Variants in HDX observed in about 807,000 individuals in gnomAD.
HDX encodes the protein highly divergent homeobox, also known as chromosome X open reading frame 43.
A neutral mutation model predicts 45.2 loss-of-function variants in HDX; 19 were observed. The observed-to-expected ratio is 0.42, with a 90% CI of 0.29 to 0.62. HDX has a LOEUF of 0.62. HDX is among the 20% of genes least tolerant of loss of function. The pLI is 0.20. For synonymous variants in HDX, 188 were observed against 172.8 expected (o/e 1.09, Z -0.69); for missense variants, 532 against 493.9 (o/e 1.08, Z -0.73).
rs181900041 is a variant in HDX, at chrX:84,356,025, G to A, written c.1452+5441C>T. Among the ~76,000 whole-genome samples the A allele has an allele frequency of 2.6e-3, 284 of 109,705 alleles. 2 individuals are homozygous for A. The highest frequency in any genetic ancestry group is 9.1e-3 in the African/African-American group (275 of 30,135). On this transcript the variant is annotated intron_variant, in intron 6 of 10. Transcript: ENST00000373177. ...AACATGCACATAATTAACAATCATT[G>A]ACAAGGTCAAAGAAAAAGTATACCA...
chrX:84,480,116 GT>G (rs914880961), intron 2 of HDX, among the ~76,000 whole-genome samples: 1 of 111,242 alleles, frequency 9.0e-6, no homozygotes, highest in Non-Finnish European at 1.9e-5. Flanking sequence ...TTTTAGGGGG[GT>G]TATTATTGTA....
intron 5 of HDX, among the ~76,000 whole-genome samples, chrX:84,398,174 T>G (rs770799564): frequency 9.0e-6 from 1 of 110,775 alleles, no homozygotes; most frequent in Non-Finnish European, 1.9e-5. Flanking sequence ...TCAACTAGTG[T>G]GCAAAATAAC....
intron 6 of HDX, among the ~76,000 whole-genome samples, chrX:84,354,942 T>TACACAC (rs1569290983): frequency 5.2e-4 from 33 of 63,918 alleles, no homozygotes; most frequent in African/African-American, 2.1e-3. Flanking sequence ...TATATATATA[T>TACACAC]ATATATATAT....
intron 5 of HDX, among the ~76,000 whole-genome samples, chrX:84,391,206 T>C (rs774672346): frequency 1.8e-5 from 2 of 112,095 alleles, no homozygotes; most frequent in South Asian, 7.3e-4. Context: ...TGTGATTTTG[T>C]ATTTTTGTGC....
intron 4 of HDX, among the ~76,000 whole-genome samples, chrX:84,459,536 A>G (rs1356587359): frequency 8.9e-6 from 1 of 111,939 alleles, no homozygotes. Context: ...ACAATGGGAT[A>G]TAGCAAAAGC....
At chrX:84,418,215 C>A (rs1402167714) in intron 5 of HDX, among the ~76,000 whole-genome samples, 1 of 111,602 alleles carries the variant, frequency 9.0e-6, no homozygotes, top group Non-Finnish European at 1.9e-5. Context: ...AAAAGTTACA[C>A]AATCAAATGA....
intron 6 of HDX, among the ~76,000 whole-genome samples, chrX:84,348,139 T>C (rs151216760): frequency 1.2e-3 from 136 of 111,667 alleles, no homozygotes; most frequent in African/African-American, 4.3e-3. Flanking sequence ...AGTTGTTGTA[T>C]ATTATGTTCC....
chrX:84,343,854 C>CA (rs1342101635), intron 7 of HDX, among the ~76,000 whole-genome samples: 1 of 111,042 alleles, frequency 9.0e-6, no homozygotes, highest in African/African-American at 3.3e-5. Context: ...TGAGAAGTCG[C>CA]ATGAAAAGCT....
At chrX:84,329,067 G>T (rs948932417) in intron 9 of HDX, among the ~76,000 whole-genome samples, 1 of 112,335 alleles carries the variant, frequency 8.9e-6, no homozygotes, top group Non-Finnish European at 1.9e-5. Context: ...GAATGTCTGA[G>T]TTATGATTAG....
chrX:84,413,418 G>T (rs1277684363), intron 5 of HDX, among the ~76,000 whole-genome samples: 2 of 111,597 alleles, frequency 1.8e-5, no homozygotes, highest in Non-Finnish European at 3.8e-5. Context: ...ATGGGGCCAA[G>T]GCTCAGCTCA....
chrX:84,452,256 G>C (rs1260428958), intron 4 of HDX, among the ~76,000 whole-genome samples: 1 of 110,320 alleles, frequency 9.1e-6, no homozygotes, highest in Non-Finnish European at 1.9e-5. Context: ...CTTCTCTCTA[G>C]GAAAAACCGG....
At chrX:84,328,202 A>AT (rs1555977996) in intron 9 of HDX, among the ~76,000 whole-genome samples, 4,046 of 107,279 alleles carry the variant, frequency 0.038, 69 homozygotes, top group Middle Eastern at 0.12. Context: ...CTACCAAAAA[A>AT]ATATATATAT....
chrX:84,440,331 G>C, intron 5 of HDX: 1 of 358,581 alleles, frequency 2.8e-6, no homozygotes, highest in Non-Finnish European at 4.8e-6. Flanking sequence ...ATTATATGGT[G>C]TGCTGAGTAC....
chrX:84,351,669 G>A (rs1167203130), intron 6 of HDX, among the ~76,000 whole-genome samples: 1 of 111,096 alleles, frequency 9.0e-6, no homozygotes, highest in Non-Finnish European at 1.9e-5. Flanking sequence ...CTATTCTGGG[G>A]TATATGAAGC....
chrX:84,344,211 T>C, intron 7 of HDX, 39 bp downstream of exon 7: 1 of 1,031,483 alleles, frequency 9.7e-7, no homozygotes, highest in Non-Finnish European at 1.4e-6. Context: ...GCATCAAATT[T>C]ACAAAGGCTA....
Position 84,469,109 on chromosome X carries a change from G to C in HDX, c.614C>G (p.Ser205Cys). The change falls in exon 4 of 11, where the codon TCT (serine) becomes TGT (cysteine). Residue 205 changes from serine (S) to cysteine (C), a missense_variant. Coordinates refer to ENST00000373177, the MANE Select transcript of HDX (RefSeq NM_001177479.2). ...AGGCTTTTGAGGTACTGTCATTTCA[G>C]AAGCTTGTACTGAAGAGTTTCCATA... is the stretch of plus-strand genomic sequence containing the variant. ...KNYGNSSVQA[S>C]EMTVPQKPSV... is the part of the protein sequence containing the mutation. The C allele has an allele frequency of 8.3e-7, 1 of 1,211,534 alleles. No homozygotes were observed. Among genetic ancestry groups the C allele is most frequent in the South Asian group, 1.8e-5 (1 of 56,978 alleles).
At chrX:84,363,635 T>A (rs1261082300) in intron 5 of HDX, among the ~76,000 whole-genome samples, 2 of 112,031 alleles carry the variant, frequency 1.8e-5, no homozygotes, top group Non-Finnish European at 3.8e-5. Flanking sequence ...GGAAGAGCAG[T>A]TATTTTTAAA....
chrX:84,467,537 G>A (rs2040375004), intron 4 of HDX, among the ~76,000 whole-genome samples: 1 of 108,006 alleles, frequency 9.3e-6, no homozygotes, highest in Admixed American at 1.0e-4. Context: ...TGAGGCGGGA[G>A]AATCGCTTGA....
At chrX:84,369,225 T>C (rs748716283) in intron 5 of HDX, among the ~76,000 whole-genome samples, 1 of 112,451 alleles carries the variant, frequency 8.9e-6, no homozygotes, top group East Asian at 2.8e-4. Context: ...AAAGTTTATC[T>C]ATGTCACAGC....
Sources: gnomAD v4.1 joint callset for allele counts (sites outside exome capture counted in the v4.1 genomes callset) on GRCh38, gnomAD v4.1.1 for gene constraint, MANE v1.5 for transcripts, NCBI Gene and HGNC (gene_info 2026-07-23, HGNC 2026-07-21) for gene names.